Variants in KLHDC10 observed in about 807,000 individuals in gnomAD.
KLHDC10 encodes kelch domain containing 10, also known as kelch domain-containing protein 10.
In KLHDC10, 24 loss-of-function variants were observed where a neutral mutation model predicts 56.1. That is an observed-to-expected ratio of 0.43 (90% CI 0.31 to 0.60). The LOEUF (loss-of-function observed/expected upper bound fraction) is 0.60, where lower values mean the gene tolerates loss of function less well. Ranked by LOEUF, KLHDC10 falls within the 20% of genes least tolerant of loss-of-function variation. The probability of loss-of-function intolerance (pLI) is 0.11; values close to 1 mark genes in which losing one functional copy is unlikely to be tolerated. For synonymous variants in KLHDC10, 188 were observed against 207.1 expected (o/e 0.91, Z 0.79); for missense variants, 349 against 567.0 (o/e 0.62, Z 3.91).
In KLHDC10 at chr7:130,116,939, G is replaced by A. The variant is rs1017572389; in HGVS notation, c.475+273G>A. 1.3e-5 allele frequency among the ~76,000 whole-genome samples: 2 copies of A among 152,088 alleles called. No individual in the cohort carries two copies. The highest frequency in any genetic ancestry group is 2.1e-4 in the South Asian group (1 of 4,816). On this transcript the variant is annotated intron_variant, in intron 3 of 9. Coordinates refer to ENST00000335420, the MANE Select transcript of KLHDC10 (RefSeq NM_014997.4). This position sits in a 1 kb window ranked among gnomAD's most constrained non-coding sequence, Gnocchi z 4.8. ...TAGAGGGTTCAATATAAAGTATCAC[G>A]CAGTAGAAGGTCAACAAATGGGGCT...
chr7:130,077,555 C>CTTTTTTTT (rs1374918216), intron 1 of KLHDC10, among the ~76,000 whole-genome samples: 2 of 108,102 alleles, frequency 1.9e-5, no homozygotes, highest in Non-Finnish European at 3.8e-5. Flanking sequence ...CTTTTTCTTT[C>CTTTTTTTT]TTTTTTTTTT....
Position 130,130,170 on chromosome 7 carries a change from A to T in KLHDC10, c.1120-367A>T, listed in dbSNP as rs928930033. Among the ~76,000 whole-genome samples, 1 of 151,922 alleles carries T rather than the reference A, an allele frequency of 6.6e-6. No individual in the cohort carries two copies. The highest frequency in any genetic ancestry group is 1.5e-5 in the Non-Finnish European group (1 of 67,984). ...ATCTCTACTAAAAATACAAAAAAAA[A>T]TTAGCCGGACGTGGTGGCGCGTGCC... On this transcript the variant is annotated intron_variant, in intron 9 of 9. Transcript: ENST00000335420. The surrounding 1 kb of genome is among the most constrained non-coding windows in gnomAD (Gnocchi z 4.2).
At chr7:130,119,047 TA>T (rs61371997) in intron 3 of KLHDC10, among the ~76,000 whole-genome samples, 24,113 of 143,510 alleles carry the variant, frequency 0.17, 2,292 homozygotes, top group East Asian at 0.32. Flanking sequence ...CCCTGTCTCT[TA>T]AAAAAAAAAA....
Position 130,119,839 on chromosome 7 carries a change from G to A in KLHDC10, c.476-910G>A, listed in dbSNP as rs1182043568. 7.9e-5 allele frequency among the ~76,000 whole-genome samples: 9 copies of A among 113,380 alleles called. No homozygotes were observed. The South Asian group carries it at 1.2e-3, about 15-fold the overall frequency. 74.4% of individuals were successfully genotyped at this position (113,380 alleles called of 152,430 possible). On this transcript the variant is annotated intron_variant, in intron 3 of 9. Transcript: ENST00000335420. ...AGCCCGGGAGACAGAGCAAGACTCC[G>A]TCTTAAAAAAAAAAAAAAAAAAAAA... is the stretch of plus-strand genomic sequence containing the variant.
At chr7:130,106,520 T>G (rs1796010174) in intron 2 of KLHDC10, among the ~76,000 whole-genome samples, 1 of 152,194 alleles carries the variant, frequency 6.6e-6, no homozygotes, top group African/African-American at 2.4e-5. Flanking sequence ...ACCTTATCTG[T>G]GGAATGTATT....
chr7:130,085,903 G>C (rs1256512804), intron 1 of KLHDC10, among the ~76,000 whole-genome samples: 2 of 151,020 alleles, frequency 1.3e-5, no homozygotes. Context: ...ACTACCATTA[G>C]TACAGTACTA....
intron 2 of KLHDC10, among the ~76,000 whole-genome samples, chr7:130,112,277 C>T (rs1366693579): frequency 1.3e-5 from 2 of 152,110 alleles, no homozygotes; most frequent in South Asian, 2.1e-4. Flanking sequence ...CCCTGGTTAC[C>T]GTAAGTTCCT....
chr7:130,124,607 T>C (rs1249101093), intron 6 of KLHDC10, 72 bp downstream of exon 6: 1 of 773,622 alleles, frequency 1.3e-6, no homozygotes, highest in Admixed American at 2.1e-5. Context: ...CCAAGCAAGA[T>C]AATTCTGTTA....
At chr7:130,078,454 G>C (rs1157929294) in intron 1 of KLHDC10, among the ~76,000 whole-genome samples, 1 of 152,054 alleles carries the variant, frequency 6.6e-6, no homozygotes, top group Non-Finnish European at 1.5e-5. Flanking sequence ...CAAACTCCTG[G>C]GCTCAAGTGA....
chr7:130,123,465 G>A (rs1260207546), intron 5 of KLHDC10, among the ~76,000 whole-genome samples: 4 of 145,102 alleles, frequency 2.8e-5, no homozygotes, highest in Non-Finnish European at 6.0e-5. Flanking sequence ...GCAAGACTCC[G>A]TCTCAGAAAA....
intron 1 of KLHDC10, among the ~76,000 whole-genome samples, chr7:130,080,584 C>T (rs890614750): frequency 7.9e-5 from 12 of 151,404 alleles, no homozygotes; most frequent in Non-Finnish European, 1.8e-4. Context: ...TTTTTTGTAG[C>T]AGTGGGGTCT....
In KLHDC10 at chr7:130,120,892, A is replaced by G; in HGVS notation, c.619A>G (p.Ile207Val). Residue 207 changes from isoleucine to valine, a missense_variant, in exon 4 of 10, where the codon ATA (isoleucine) becomes GTA (valine). By Grantham distance (29) the Ile-to-Val change is conservative. Transcript: ENST00000335420. This position sits in a 1 kb window ranked among gnomAD's most constrained non-coding sequence, Gnocchi z 5.1. ...CTGTCGGGGGAAGAAACCCAGTCGTATATATGGACAGGTACCAATCTGTGG... is the reference window on the plus strand; with the variant it reads ...CTGTCGGGGGAAGAAACCCAGTCGTGTATATGGACAGGTACCAATCTGTGG... ...LSCRGKKPSR[I>V]YGQAMAIING... 1 of 1,614,014 alleles carries G rather than the reference A, an allele frequency of 6.2e-7. No individual in the cohort carries two copies.
In KLHDC10 at chr7:130,076,248, C is replaced by T. The variant is rs148291984; in HGVS notation, c.166+5439C>T. On this transcript the variant is annotated intron_variant, in intron 1 of 9. Coordinates refer to ENST00000335420, the MANE Select transcript of KLHDC10 (RefSeq NM_014997.4). ...GAATGCTCACTCGCCCACCACTCAC[C>T]TCCTGCTATGTGGCCAGGTTCCTAA... Among the ~76,000 whole-genome samples, 585 of 152,180 alleles carry T rather than the reference C, an allele frequency of 3.8e-3. 5 individuals carry two copies. Among genetic ancestry groups the T allele is most frequent in the African/African-American group, 0.014 (572 of 41,528 alleles).
At chr7:130,106,658 T>C (rs1796011706) in intron 2 of KLHDC10, among the ~76,000 whole-genome samples, 1 of 152,254 alleles carries the variant, frequency 6.6e-6, no homozygotes, top group East Asian at 1.9e-4. Context: ...ATGACATATA[T>C]GCTTTTCTGT....
At chr7:130,095,157 T>C (rs1795831429) in intron 1 of KLHDC10, among the ~76,000 whole-genome samples, 1 of 151,988 alleles carries the variant, frequency 6.6e-6, no homozygotes, top group Admixed American at 6.6e-5. Context: ...CTGTATTGAT[T>C]TAAAACAATG....
At chr7:130,122,924 G>T (rs1168920890) in intron 5 of KLHDC10, among the ~76,000 whole-genome samples, 3 of 152,150 alleles carry the variant, frequency 2.0e-5, no homozygotes. Context: ...ACAGGGCACA[G>T]GGCCATCCCC....
intron 2 of KLHDC10, among the ~76,000 whole-genome samples, chr7:130,110,220 A>G (rs1175229221): frequency 3.3e-5 from 5 of 152,230 alleles, no homozygotes; most frequent in African/African-American, 4.8e-5. Flanking sequence ...GATTTGTCCC[A>G]TTACTGGTGA....
chr7:130,109,008 G>A (rs1042084712), intron 2 of KLHDC10, among the ~76,000 whole-genome samples: 4 of 151,862 alleles, frequency 2.6e-5, no homozygotes, highest in South Asian at 4.2e-4. Flanking sequence ...TCCGCCTCCG[G>A]GGTCTAAGTG....
intron 1 of KLHDC10, among the ~76,000 whole-genome samples, chr7:130,089,057 T>C (rs1448014493): frequency 6.6e-6 from 1 of 151,914 alleles, no homozygotes; most frequent in Non-Finnish European, 1.5e-5. Flanking sequence ...TCGATACATA[T>C]AAAGTACAAA....
Sources: gnomAD v4.1 joint callset for allele counts (sites outside exome capture counted in the v4.1 genomes callset) on GRCh38, gnomAD v4.1.1 for gene constraint, Gnocchi (gnomAD v3.1) non-coding constraint, MANE v1.5 for transcripts, NCBI Gene and HGNC (gene_info 2026-07-23, HGNC 2026-07-21) for gene names.